ATP9B: variants seen among roughly 807,000 people sequenced by gnomAD.
ATP9B encodes the protein probable phospholipid-transporting ATPase IIB.
In ATP9B, 110 loss-of-function variants were observed where a neutral mutation model predicts 146.1. That is an observed-to-expected ratio of 0.75 (90% CI 0.65 to 0.88). ATP9B has a LOEUF of 0.88. Ranked by LOEUF, ATP9B falls within the 40% of genes least tolerant of loss-of-function variation. ATP9B has a pLI of 0.00. For missense variants in ATP9B, 1,499 were observed against 1,496.4 expected (o/e 1.00, Z -0.03); for synonymous variants, 604 against 569.7 (o/e 1.06, Z -0.86).
At chr18:79,339,570 G>A (rs773727941) in intron 19 of ATP9B, among the ~76,000 whole-genome samples, 6 of 151,054 alleles carry the variant, frequency 4.0e-5, no homozygotes, top group Admixed American at 6.6e-5. Flanking sequence ...TGTCATGATC[G>A]CAGTAGGAAG....
chr18:79,189,720 G>A (rs1254942370), intron 8 of ATP9B, among the ~76,000 whole-genome samples: 1 of 152,258 alleles, frequency 6.6e-6, no homozygotes, highest in Non-Finnish European at 1.5e-5. Flanking sequence ...AAGGTGAACT[G>A]TCTGTCTGAA....
At chr18:79,188,746 A>C (rs1009799501) in intron 8 of ATP9B, among the ~76,000 whole-genome samples, 4 of 151,988 alleles carry the variant, frequency 2.6e-5, no homozygotes, top group African/African-American at 9.7e-5. Context: ...CTCTTTTTCT[A>C]ATCTTTCTCT....
At chr18:79,201,283 A>C (rs1175374262) in intron 9 of ATP9B, among the ~76,000 whole-genome samples, 2 of 152,222 alleles carry the variant, frequency 1.3e-5, no homozygotes, top group African/African-American at 4.8e-5. Context: ...AAGGAAGAGA[A>C]TAAAGACATG....
intron 8 of ATP9B, among the ~76,000 whole-genome samples, chr18:79,183,874 A>G (rs1343712051): frequency 1.3e-5 from 2 of 151,624 alleles, no homozygotes; most frequent in Non-Finnish European, 2.9e-5. Context: ...TTTTTGCACA[A>G]ATTTAATATT....
chr18:79,233,558 A>T (rs1314783578), intron 11 of ATP9B, among the ~76,000 whole-genome samples: 1 of 152,224 alleles, frequency 6.6e-6, no homozygotes, highest in East Asian at 1.9e-4. Flanking sequence ...CACACGCATG[A>T]CACTTCCTGT....
intron 1 of ATP9B, among the ~76,000 whole-genome samples, chr18:79,083,045 G>C (rs544748322): frequency 1.3e-5 from 2 of 152,326 alleles, no homozygotes; most frequent in East Asian, 3.9e-4. Context: ...AGGAAGATGG[G>C]AGTTTTATCT....
At chr18:79,257,140 A>C (rs2096090695) in intron 12 of ATP9B, among the ~76,000 whole-genome samples, 1 of 152,098 alleles carries the variant, frequency 6.6e-6, no homozygotes, top group South Asian at 2.1e-4. Flanking sequence ...TCTCTACAAA[A>C]AATACAAAAA....
intron 13 of ATP9B, among the ~76,000 whole-genome samples, chr18:79,291,840 A>G (rs1298974821): frequency 6.6e-6 from 1 of 152,152 alleles, no homozygotes; most frequent in Non-Finnish European, 1.5e-5. Flanking sequence ...TCTCACCACA[A>G]TCTAACTTTA....
chr18:79,347,012 C>G (rs2147530009), intron 23 of ATP9B, among the ~76,000 whole-genome samples: 1 of 152,338 alleles, frequency 6.6e-6, no homozygotes, highest in East Asian at 1.9e-4. Flanking sequence ...GGAGGTGTCA[C>G]TCTTAGTCAC....
chr18:79,159,533 T>G (rs1196212654), intron 7 of ATP9B, among the ~76,000 whole-genome samples: 1 of 152,124 alleles, frequency 6.6e-6, no homozygotes, highest in Non-Finnish European at 1.5e-5. Context: ...TATTCCAGCT[T>G]TCTCAGTGTT....
At chr18:79,376,853 C>G (rs1280467612) in intron 29 of ATP9B, among the ~76,000 whole-genome samples, 1 of 152,142 alleles carries the variant, frequency 6.6e-6, no homozygotes, top group South Asian at 2.1e-4. Context: ...CACCACCACG[C>G]CCGGCTAATG....
At chr18:79,311,487 C>G (rs969038710) in intron 15 of ATP9B, among the ~76,000 whole-genome samples, 1 of 152,074 alleles carries the variant, frequency 6.6e-6, no homozygotes, top group Non-Finnish European at 1.5e-5. Context: ...TCATGGTATT[C>G]GACAAAGTAT....
rs144906109 is a variant in ATP9B, at chr18:79,282,387, G to A, written c.1411+5191G>A. ...TTTGTGAAAGGAAGAGTCAGTTTAT[G>A]TGGCAGACTTCATTGTTGTCTTATT... On this transcript the variant is annotated intron_variant, in intron 13 of 29. Coordinates refer to ENST00000426216, the MANE Select transcript of ATP9B (RefSeq NM_198531.5). 7.6e-4 allele frequency among the ~76,000 whole-genome samples: 116 copies of A among 152,304 alleles called. 2 individuals are homozygous for A. Among genetic ancestry groups the A allele is most frequent in the African/African-American group, 2.7e-3 (111 of 41,556 alleles).
intron 11 of ATP9B, among the ~76,000 whole-genome samples, chr18:79,219,758 A>G (rs1046915724): frequency 6.6e-6 from 1 of 152,062 alleles, no homozygotes; most frequent in African/African-American, 2.4e-5. Context: ...CTGACAATTC[A>G]CAAAATTGCT....
chr18:79,256,639 G>C (rs1034704361), intron 12 of ATP9B, among the ~76,000 whole-genome samples: 12 of 151,694 alleles, frequency 7.9e-5, no homozygotes, highest in Non-Finnish European at 1.6e-4. Context: ...AAAGTTTAAA[G>C]TTAAGCTTTA....
chr18:79,330,872 CAA>C (rs1319914552), intron 17 of ATP9B, among the ~76,000 whole-genome samples: 3 of 152,066 alleles, frequency 2.0e-5, no homozygotes, highest in Non-Finnish European at 4.4e-5. Context: ...TATATGTAAT[CAA>C]AGTTATATTT....
chr18:79,329,687 A>G (rs1180112081), intron 16 of ATP9B, among the ~76,000 whole-genome samples: 1 of 152,228 alleles, frequency 6.6e-6, no homozygotes, highest in Non-Finnish European at 1.5e-5. Context: ...CACCAAAATC[A>G]TATCTTGGAA....
chr18:79,249,077 T>C (rs1426101563), intron 11 of ATP9B, among the ~76,000 whole-genome samples: 1 of 147,694 alleles, frequency 6.8e-6, no homozygotes, highest in Non-Finnish European at 1.5e-5. Flanking sequence ...CGAGCATTCA[T>C]TTAAAAAAAA....
chr18:79,291,238 A>C (rs2096499991), intron 13 of ATP9B, among the ~76,000 whole-genome samples: 1 of 152,132 alleles, frequency 6.6e-6, no homozygotes, highest in Non-Finnish European at 1.5e-5. Flanking sequence ...TACATACCAT[A>C]GCCGAGTCTG....
Sources: allele counts gnomAD v4.1 joint callset (sites outside exome capture counted in the v4.1 genomes callset), GRCh38; gene constraint gnomAD v4.1.1; transcripts MANE v1.5; gene names NCBI Gene and HGNC (gene_info 2026-07-23, HGNC 2026-07-21).